The following ZDHHC14 variants were observed in gnomAD, a reference collection of about 807,000 sequenced individuals.
ZDHHC14 encodes palmitoyltransferase ZDHHC14.
Under a neutral mutation model 47.7 loss-of-function variants are expected in ZDHHC14, and 16 were observed. The observed-to-expected ratio is 0.34, with a 90% CI of 0.23 to 0.51. The LOEUF (loss-of-function observed/expected upper bound fraction) is 0.51. Ranked by LOEUF, ZDHHC14 falls within the 20% of genes least tolerant of loss-of-function variation. The pLI is 0.97. For missense variants in ZDHHC14, 515 were observed against 662.5 expected, an observed-to-expected ratio of 0.78 and a Z score of 2.44; for synonymous variants, 293 against 278.9, an observed-to-expected ratio of 1.05 and a Z score of -0.50.
At chr6:157,619,467 G>A (rs1785096294) in intron 3 of ZDHHC14, among the ~76,000 whole-genome samples, 2 of 152,152 alleles carry the variant, frequency 1.3e-5, no homozygotes, top group African/African-American at 4.8e-5. Flanking sequence ...GCCTATTTGG[G>A]GAGCTGAAGG....
intron 1 of ZDHHC14, among the ~76,000 whole-genome samples, chr6:157,394,103 A>C (rs1562407900): frequency 6.6e-6 from 1 of 152,178 alleles, no homozygotes; most frequent in Non-Finnish European, 1.5e-5. Flanking sequence ...CTCTCAGGAA[A>C]GAACATTTCC....
intron 1 of ZDHHC14, among the ~76,000 whole-genome samples, chr6:157,437,062 C>G (rs542908988): frequency 2.0e-5 from 3 of 152,276 alleles, no homozygotes; most frequent in South Asian, 4.1e-4. Flanking sequence ...ATGGTGACAA[C>G]AGCTGGGCCT....
Position 157,669,342 on chromosome 6 carries a change from A to G in ZDHHC14, c.1069-3382A>G, listed in dbSNP as rs139080266. ...CACAAGAGAGGGGTGGTGGGGGGGG[A>G]AGACAGAGAGTGGAGGAGAGCCCAC... is the stretch of plus-strand genomic sequence containing the variant. On this transcript the variant is annotated intron_variant, in intron 8 of 8. Coordinates refer to ENST00000359775, the MANE Select transcript of ZDHHC14 (RefSeq NM_024630.3). 7.4e-3 allele frequency among the ~76,000 whole-genome samples: 1,121 copies of G among 151,314 alleles called. 22 individuals are homozygous for G. Among genetic ancestry groups the G allele is most frequent in the African/African-American group, 0.026 (1,065 of 41,116 alleles).
At chr6:157,563,213 G>A (rs1363230721) in intron 2 of ZDHHC14, among the ~76,000 whole-genome samples, 1 of 152,236 alleles carries the variant, frequency 6.6e-6, no homozygotes, top group Non-Finnish European at 1.5e-5. Flanking sequence ...GATGGCAGAA[G>A]TACTGGCCAG....
chr6:157,574,567 T>A (rs1783228689), intron 2 of ZDHHC14, among the ~76,000 whole-genome samples: 1 of 152,114 alleles, frequency 6.6e-6, no homozygotes, highest in Admixed American at 6.5e-5. Flanking sequence ...CCCACTCCCC[T>A]CACCCAGCAC....
intron 1 of ZDHHC14, among the ~76,000 whole-genome samples, chr6:157,487,946 G>A (rs938437659): frequency 6.6e-6 from 1 of 152,082 alleles, no homozygotes; most frequent in Non-Finnish European, 1.5e-5. Context: ...GCTCCAAGAT[G>A]CCCTGGACTG....
intron 1 of ZDHHC14, among the ~76,000 whole-genome samples, chr6:157,457,210 C>T (rs1217084528): frequency 2.7e-5 from 4 of 149,460 alleles, no homozygotes; most frequent in African/African-American, 9.8e-5. Context: ...TTGGGATGGG[C>T]ACTTTTTTGG....
chr6:157,634,533 C>T (rs935499829), intron 5 of ZDHHC14, among the ~76,000 whole-genome samples: 3 of 152,210 alleles, frequency 2.0e-5, no homozygotes, highest in Non-Finnish European at 2.9e-5. Context: ...ATAGCCAAGT[C>T]GCCTCTCCCT....
intron 8 of ZDHHC14, among the ~76,000 whole-genome samples, chr6:157,665,847 G>C (rs1778530647): frequency 6.6e-6 from 1 of 152,122 alleles, no homozygotes; most frequent in Non-Finnish European, 1.5e-5. Flanking sequence ...GAAAATGTTA[G>C]GGAAGCAACA....
chr6:157,656,725 A>C (rs1321345362), intron 8 of ZDHHC14, among the ~76,000 whole-genome samples: 1 of 136,836 alleles, frequency 7.3e-6, no homozygotes, highest in Non-Finnish European at 1.6e-5. Context: ...AAAACAAAAA[A>C]AAAAAAAACA....
intron 1 of ZDHHC14, among the ~76,000 whole-genome samples, chr6:157,448,228 A>T (rs1230624499): frequency 6.6e-6 from 1 of 152,094 alleles, no homozygotes; most frequent in Non-Finnish European, 1.5e-5. Context: ...TTAAGGTCTG[A>T]CTTCAAGTAA....
chr6:157,419,820 G>T (rs1243008730), intron 1 of ZDHHC14, among the ~76,000 whole-genome samples: 1 of 152,216 alleles, frequency 6.6e-6, no homozygotes. Flanking sequence ...CGTGATTGCT[G>T]GATATATGGT....
intron 1 of ZDHHC14, among the ~76,000 whole-genome samples, chr6:157,442,757 T>C (rs1455888512): frequency 1.3e-5 from 2 of 152,212 alleles, no homozygotes; most frequent in Non-Finnish European, 2.9e-5. Context: ...AACAATTTGC[T>C]CTTCTCCTTC....
intron 3 of ZDHHC14, among the ~76,000 whole-genome samples, chr6:157,618,714 A>G (rs1368369100): frequency 1.3e-5 from 2 of 152,066 alleles, no homozygotes; most frequent in African/African-American, 4.8e-5. Flanking sequence ...TCTTATTCCA[A>G]TTCTTAGCAA....
chr6:157,562,491 C>A (rs527627469), intron 2 of ZDHHC14, among the ~76,000 whole-genome samples: 14 of 152,246 alleles, frequency 9.2e-5, no homozygotes, highest in Admixed American at 6.5e-5. Flanking sequence ...GCTCTCCATG[C>A]GATTCTCTAG....
At chr6:157,642,061 GA>G (rs1181637586) in intron 5 of ZDHHC14, among the ~76,000 whole-genome samples, 163 of 151,634 alleles carry the variant, frequency 1.1e-3, no homozygotes, top group East Asian at 5.1e-3. Context: ...TAGATAGATA[GA>G]TAGATAGTTA....
chr6:157,483,561 G>A (rs979457842), intron 1 of ZDHHC14, among the ~76,000 whole-genome samples: 4 of 152,186 alleles, frequency 2.6e-5, no homozygotes, highest in Non-Finnish European at 5.9e-5. Flanking sequence ...ATGATGATGG[G>A]CCTTGCTGAG....
rs931411627 is a variant in ZDHHC14, at chr6:157,675,614, C to T, written c.*2492C>T. ...TGTCCTCTGTGGCTTGAAAAAGAAA[C>T]CCAGCATCAGAGGAATGAGCGATGA... On this transcript the variant is annotated 3_prime_UTR_variant, in exon 9 of 9. Coordinates refer to ENST00000359775, the MANE Select transcript of ZDHHC14 (RefSeq NM_024630.3). 1 of 152,172 alleles carries T rather than the reference C, an allele frequency of 6.6e-6. No homozygotes were observed. The highest frequency in any genetic ancestry group is 6.5e-5 in the Admixed American group (1 of 15,288). 9.4% of individuals were successfully genotyped at this position (152,172 alleles called of 1,614,324 possible).
chr6:157,515,349 T>C (rs1192581765), intron 1 of ZDHHC14, among the ~76,000 whole-genome samples: 3 of 152,178 alleles, frequency 2.0e-5, no homozygotes, highest in Non-Finnish European at 4.4e-5. Context: ...CTGATTGCAT[T>C]CCAGCTCACG....
Sources: gnomAD v4.1 joint callset for allele counts (sites outside exome capture counted in the v4.1 genomes callset) on GRCh38, gnomAD v4.1.1 for gene constraint, MANE v1.5 for transcripts, NCBI Gene and HGNC (gene_info 2026-07-23, HGNC 2026-07-21) for gene names.